The following ZNF407 variants were observed in gnomAD, a reference collection of about 807,000 sequenced individuals.
ZNF407 encodes the protein zinc finger protein 407.
In ZNF407, 17 loss-of-function variants were observed where a neutral mutation model predicts 131.2. The ratio of observed to expected loss-of-function variants is 0.13; its 90% CI spans 0.09 to 0.19. ZNF407 has a LOEUF of 0.19. Among genes scored for constraint, ZNF407 ranks in the 10% least tolerant of loss-of-function variants. ZNF407 has a pLI of 1.00. For synonymous variants in ZNF407, 1,156 were observed against 1,062.0 expected (o/e 1.09, Z -1.72); for missense variants, 2,681 against 2,830.6 (o/e 0.95, Z 1.20).
chr18:75,023,958 G>A (rs191816959), intron 8 of ZNF407, among the ~76,000 whole-genome samples: 1 of 152,108 alleles, frequency 6.6e-6, no homozygotes, highest in African/African-American at 2.4e-5. Context: ...TCTTCAGAAC[G>A]CACTGTGCTA....
intron 8 of ZNF407, among the ~76,000 whole-genome samples, chr18:75,037,497 C>A (rs1220292884): frequency 2.0e-5 from 3 of 151,764 alleles, no homozygotes; most frequent in African/African-American, 7.3e-5. Context: ...TGCTGTGCTG[C>A]GGTCTTGTCT....
At chr18:74,852,189 A>ACG (rs1970795587) in intron 4 of ZNF407, among the ~76,000 whole-genome samples, 5 of 137,740 alleles carry the variant, frequency 3.6e-5, no homozygotes, top group Admixed American at 1.5e-4. Flanking sequence ...ACACACACAC[A>ACG]CACACACACG....
intron 4 of ZNF407, among the ~76,000 whole-genome samples, chr18:74,832,819 T>C (rs10514144): frequency 0.066 from 10,008 of 152,328 alleles, 495 homozygotes; most frequent in Non-Finnish European, 0.11. Flanking sequence ...ACATACTACA[T>C]TTTCCATGAA....
intron 1 of ZNF407, 152 bp downstream of exon 1, chr18:74,598,089 C>T (rs1353107181): frequency 4.0e-5 from 6 of 150,458 alleles, no homozygotes; most frequent in Non-Finnish European, 7.4e-5. Flanking sequence ...CCTCCCCCCT[C>T]CCCCCGCCTC....
At chr18:74,646,567 CAGTT>C (rs1414435195) in intron 3 of ZNF407, among the ~76,000 whole-genome samples, 1 of 152,098 alleles carries the variant, frequency 6.6e-6, no homozygotes, top group African/African-American at 2.4e-5. Context: ...CTCTCTACCT[CAGTT>C]AGGAACAAAA....
At chr18:74,679,668 A>C (rs1236346008) in intron 3 of ZNF407, among the ~76,000 whole-genome samples, 2 of 152,184 alleles carry the variant, frequency 1.3e-5, no homozygotes, top group African/African-American at 4.8e-5. Flanking sequence ...ATTATTTCTG[A>C]TAGTTTTTCC....
intron 3 of ZNF407, among the ~76,000 whole-genome samples, chr18:74,735,379 A>G (rs1274571917): frequency 6.6e-6 from 1 of 152,232 alleles, no homozygotes; most frequent in Admixed American, 6.5e-5. Context: ...ATATGTGCTC[A>G]AAAGGAGATA....
At chr18:74,849,056 T>TA (rs1408509566) in intron 4 of ZNF407, among the ~76,000 whole-genome samples, 2 of 144,552 alleles carry the variant, frequency 1.4e-5, no homozygotes, top group Admixed American at 1.4e-4. Flanking sequence ...TTGTTTCTTT[T>TA]TTTTTTTTTT....
chr18:74,842,583 G>C (rs1970648549), intron 4 of ZNF407, among the ~76,000 whole-genome samples: 1 of 130,938 alleles, frequency 7.6e-6, no homozygotes, highest in Non-Finnish European at 1.6e-5. Context: ...TTTGACCCTG[G>C]AAGTTTTTCC....
chr18:75,041,190 T>A (rs1302802338), intron 8 of ZNF407, among the ~76,000 whole-genome samples: 1 of 152,244 alleles, frequency 6.6e-6, no homozygotes, highest in Non-Finnish European at 1.5e-5. Flanking sequence ...AGTTAGTGGC[T>A]AAACGTAGAT....
intron 3 of ZNF407, among the ~76,000 whole-genome samples, chr18:74,648,929 T>C (rs966694718): frequency 6.6e-6 from 1 of 152,182 alleles, no homozygotes; most frequent in Non-Finnish European, 1.5e-5. Context: ...TTGTTTCTAA[T>C]CGCTTCCGTG....
At chr18:75,023,698 G>C (rs750701518) in intron 8 of ZNF407, among the ~76,000 whole-genome samples, 1 of 152,026 alleles carries the variant, frequency 6.6e-6, no homozygotes, top group Non-Finnish European at 1.5e-5. Context: ...GTTGTGAATC[G>C]TCAGCTACTC....
At chr18:74,867,224 T>C (rs1480703329) in intron 4 of ZNF407, among the ~76,000 whole-genome samples, 3 of 152,178 alleles carry the variant, frequency 2.0e-5, no homozygotes, top group African/African-American at 2.4e-5. Context: ...TGATCAGCCG[T>C]GTTGTCTTTG....
In ZNF407 at chr18:74,635,941, CA is replaced by C. The variant is rs1025328709; in HGVS notation, c.4687+240del. ...GCTGACAAGTTTCTTTTAATTTTGT[CA>C]AAAAGCCTAGTCCCTCTGATGCCTT... On this transcript the variant is annotated intron_variant, in intron 2 of 8. Transcript: ENST00000299687. The surrounding 1 kb of genome is among the most constrained non-coding windows in gnomAD (Gnocchi z 4.7). Among the ~76,000 whole-genome samples, 5 of 152,094 alleles carry C rather than the reference CA, an allele frequency of 3.3e-5. No homozygotes were observed. The highest frequency in any genetic ancestry group is 9.7e-5 in the African/African-American group (4 of 41,418).
intron 4 of ZNF407, among the ~76,000 whole-genome samples, chr18:74,835,629 G>GGTGTGTGT (rs60463192): frequency 3.9e-4 from 36 of 92,198 alleles, no homozygotes; most frequent in East Asian, 3.0e-3. Context: ...GACAGAGGGG[G>GGTGTGTGT]GTGTGTGTGT....
At chr18:74,894,185 G>A (rs987485403) in intron 7 of ZNF407, among the ~76,000 whole-genome samples, 1 of 151,920 alleles carries the variant, frequency 6.6e-6, no homozygotes, top group African/African-American at 2.4e-5. Context: ...AGCTTTTACT[G>A]TCTAAAATAT....
At chr18:74,927,065 T>C (rs1199347992) in intron 8 of ZNF407, among the ~76,000 whole-genome samples, 1 of 152,228 alleles carries the variant, frequency 6.6e-6, no homozygotes, top group African/African-American at 2.4e-5. Context: ...CTGTTTTTCA[T>C]GCTATCACAT....
chr18:74,659,858 C>G (rs1985636598), intron 3 of ZNF407, among the ~76,000 whole-genome samples: 1 of 152,122 alleles, frequency 6.6e-6, no homozygotes. Context: ...CGTGAAAAGT[C>G]ACTTCTGTGC....
chr18:74,929,212 G>A (rs1183695729), intron 8 of ZNF407, among the ~76,000 whole-genome samples: 1 of 152,110 alleles, frequency 6.6e-6, no homozygotes, highest in African/African-American at 2.4e-5. Flanking sequence ...TGCTGGCCAA[G>A]TGTGATGGCC....
Sources: gnomAD v4.1 joint callset for allele counts (sites outside exome capture counted in the v4.1 genomes callset) on GRCh38, gnomAD v4.1.1 for gene constraint, Gnocchi (gnomAD v3.1) non-coding constraint, MANE v1.5 for transcripts, NCBI Gene and HGNC (gene_info 2026-07-23, HGNC 2026-07-21) for gene names.